The following TNRC6B variants were observed in gnomAD, a reference collection of about 807,000 sequenced individuals.
TNRC6B encodes the protein trinucleotide repeat containing adaptor 6B.
In TNRC6B, 52 loss-of-function variants were observed where a neutral mutation model predicts 203.6. The ratio of observed to expected loss-of-function variants is 0.26; its 90% confidence interval spans 0.20 to 0.32. The LOEUF is 0.32. Ranked by LOEUF, TNRC6B falls within the 10% of genes least tolerant of loss-of-function variation. The pLI, the probability that TNRC6B is intolerant of heterozygous loss-of-function variation, is 1.00. For missense variants in TNRC6B, 1,923 were observed against 2,286.2 expected, an observed-to-expected ratio of 0.84 and a Z score of 3.24; for synonymous variants, 838 against 845.7, an observed-to-expected ratio of 0.99 and a Z score of 0.16.
intron 22 of TNRC6B, among the ~76,000 whole-genome samples, chr22:40,322,153 T>G (rs1340580464): frequency 6.6e-6 from 1 of 152,250 alleles, no homozygotes; most frequent in Non-Finnish European, 1.5e-5. Flanking sequence ...ATAACTCACA[T>G]GGGGAAAGAA....
intron 1 of TNRC6B, among the ~76,000 whole-genome samples, chr22:40,238,993 A>G (rs1449645360): frequency 6.6e-6 from 1 of 151,994 alleles, no homozygotes; most frequent in East Asian, 1.9e-4. Flanking sequence ...ACTTGAGGTC[A>G]GGAGTTCAAG....
intron 1 of TNRC6B, among the ~76,000 whole-genome samples, chr22:40,223,400 A>G (rs572171756): frequency 1.3e-5 from 2 of 152,222 alleles, no homozygotes; most frequent in South Asian, 2.1e-4. Context: ...TGACCTCCCA[A>G]AGTGCTGGGA....
At chr22:40,303,775 G>T (rs1355935032) in intron 15 of TNRC6B, among the ~76,000 whole-genome samples, 1 of 152,150 alleles carries the variant, frequency 6.6e-6, no homozygotes, top group South Asian at 2.1e-4. Flanking sequence ...ATTGGACGTG[G>T]TGGTGTGCAC....
intron 15 of TNRC6B, 130 bp from the exon 16 acceptor site, chr22:40,308,382 T>C: frequency 9.4e-7 from 1 of 1,058,984 alleles, no homozygotes; most frequent in Non-Finnish European, 1.4e-6. Context: ...GAATCAAAAA[T>C]ACCTGTTTCT....
At chr22:40,197,292 T>TG (rs2146401492) in intron 1 of TNRC6B, among the ~76,000 whole-genome samples, 1 of 152,068 alleles carries the variant, frequency 6.6e-6, no homozygotes, top group South Asian at 2.1e-4. Flanking sequence ...TTTCTTGTTT[T>TG]TTTTTGAGAC....
intron 1 of TNRC6B, among the ~76,000 whole-genome samples, chr22:40,064,719 C>T (rs926131078): frequency 2.6e-5 from 4 of 151,418 alleles, no homozygotes; most frequent in African/African-American, 9.7e-5. Flanking sequence ...TGGGTTCAAG[C>T]AATTCTCCTG....
At chr22:40,224,785 G>T (rs181313777) in intron 1 of TNRC6B, among the ~76,000 whole-genome samples, 5 of 152,046 alleles carry the variant, frequency 3.3e-5, no homozygotes, top group East Asian at 3.9e-4. Context: ...TTATTTTCAC[G>T]CAAGGTATGA....
At chr22:40,223,590 A>G (rs1257284763) in intron 1 of TNRC6B, among the ~76,000 whole-genome samples, 1 of 152,230 alleles carries the variant, frequency 6.6e-6, no homozygotes, top group Non-Finnish European at 1.5e-5. Context: ...TATCTTCCTT[A>G]GTACAAAAAG....
chr22:40,321,039 C>G, intron 21 of TNRC6B, 51 bp from the exon 22 acceptor site: 1 of 1,603,796 alleles, frequency 6.2e-7, no homozygotes, highest in Admixed American at 1.7e-5. Context: ...TAAAATGTAC[C>G]TTTTCCACCC....
chr22:40,129,888 T>G (rs907707742), intron 3 of TNRC6B, among the ~76,000 whole-genome samples: 1 of 152,160 alleles, frequency 6.6e-6, no homozygotes, highest in South Asian at 2.1e-4. Context: ...TTGTATTTAC[T>G]TTGTACATGT....
intron 3 of TNRC6B, among the ~76,000 whole-genome samples, chr22:40,153,319 G>A (rs1453383797): frequency 6.6e-6 from 1 of 152,096 alleles, no homozygotes; most frequent in Non-Finnish European, 1.5e-5. Context: ...AAAGAGGAGG[G>A]CATTCCAGAG....
chr22:40,266,814 C>T lies in TNRC6B; in HGVS notation c.2584C>T (p.Pro862Ser), dbSNP rs1215727858. 1 of 1,613,614 alleles carries T rather than the reference C, an allele frequency of 6.2e-7. No individual in the cohort carries two copies. Among genetic ancestry groups the T allele is most frequent in the Non-Finnish European group, 8.5e-7 (1 of 1,179,748 alleles). ...RPSNSSWSSG[P>S]QPATPKDEEP... ...TTCCAATTCCAGCTGGAGCAGCGGG[C>T]CACAGCCTGCAACACCTAAGGATGA... The change falls in exon 5 of 23, where the codon CCA becomes TCA. Residue 862 changes from proline to serine, a missense_variant. Coordinates refer to ENST00000454349, the MANE Select transcript of TNRC6B (RefSeq NM_001162501.2).
chr22:40,323,176 A>C lies in TNRC6B; in HGVS notation c.5437A>C (p.Arg1813=), dbSNP rs1339937660. 1.2e-6 allele frequency: 2 copies of C among 1,613,708 alleles called. No homozygotes were observed. The highest frequency in any genetic ancestry group is 2.7e-5 in the African/African-American group (2 of 74,938). ...WGVPTVEDPH[R]MGSPAPLLPG... ...AGTCCCAACGGTGGAAGATCCCCAT[A>C]GGATGGGCAGCCCTGCTCCTTTACT... The change falls in exon 23 of 23, where the codon AGG becomes CGG. Residue 1813 remains arginine, a synonymous_variant. Transcript: ENST00000454349.
At chr22:40,279,756 G>C (rs1367381855) in intron 9 of TNRC6B, among the ~76,000 whole-genome samples, 1 of 152,052 alleles carries the variant, frequency 6.6e-6, no homozygotes, top group Non-Finnish European at 1.5e-5. Context: ...AACTACAACA[G>C]ATACATGTTT....
intron 9 of TNRC6B, among the ~76,000 whole-genome samples, chr22:40,279,761 ATGTTT>A (rs770760637): frequency 1.3e-5 from 2 of 152,160 alleles, no homozygotes; most frequent in African/African-American, 4.8e-5. Flanking sequence ...CAACAGATAC[ATGTTT>A]TGTTTTGTTT....
rs1464150688 is a variant in TNRC6B, at chr22:40,281,142, A to G, written c.3435A>G (p.Gln1145=). The G allele has an allele frequency of 6.4e-7, 1 of 1,550,656 alleles. No individual in the cohort carries two copies. The highest frequency in any genetic ancestry group is 8.7e-7 in the Non-Finnish European group (1 of 1,146,510). The change falls in exon 11 of 23, where the codon CAA becomes CAG. Residue 1145 remains glutamine (Q), a synonymous_variant. Transcript: ENST00000454349. The stretch of plus-strand genomic sequence containing the variant: ...AGCTGACTTTGCCTTTCTCCAATCA[A>G]GATGGGTGCCTTGGGGATGAGGCTC... The part of the protein sequence containing the change: ...FEKLTLPFSN[Q]DGCLGDEAPC...
chr22:40,048,728 G>A lies in TNRC6B; in HGVS notation c.-121+3730G>A, dbSNP rs997231553. On this transcript the variant is annotated intron_variant, in intron 1 of 23. Coordinates refer to the TNRC6B transcript ENST00000301923. ...GAATGTTCACACATGAATGTACACA[G>A]TCAGGATCAGAACGGTTCCATCACT... Among the ~76,000 whole-genome samples, 12 of 152,242 alleles carry A rather than the reference G, an allele frequency of 7.9e-5. No individual in the cohort carries two copies. In the South Asian group the frequency reaches 8.3e-4, roughly 11 times the overall value.
intron 1 of TNRC6B, among the ~76,000 whole-genome samples, chr22:40,181,263 G>C (rs899836548): frequency 1.3e-5 from 2 of 152,102 alleles, no homozygotes; most frequent in Admixed American, 1.3e-4. Flanking sequence ...AGTGTTATGC[G>C]ATGATGAGAC....
rs550765281 is a variant in TNRC6B at position 40,141,376 on chromosome 22, T to C, written c.46-14739T>C. Among the ~76,000 whole-genome samples the C allele has an allele frequency of 2.6e-5, 4 of 152,102 alleles. No homozygotes were observed. The South Asian group carries it at 8.3e-4, about 32-fold the overall frequency. On this transcript the variant is annotated intron_variant, in intron 3 of 23. Transcript: ENST00000301923. ...ACGCACCACCATGCCCAGCTGATTT[T>C]TGTATTTTTAGTAGAGACCATGCTG...
Sources: allele counts gnomAD v4.1 joint callset (sites outside exome capture counted in the v4.1 genomes callset), GRCh38; gene constraint gnomAD v4.1.1; transcripts MANE v1.5; gene names NCBI Gene and HGNC (gene_info 2026-07-23, HGNC 2026-07-21).